The following FGR variants were observed in gnomAD, a reference collection of about 807,000 sequenced individuals.
FGR encodes the protein tyrosine-protein kinase Fgr.
Under a neutral mutation model 63.2 loss-of-function variants are expected in FGR, and 26 were observed. The observed-to-expected ratio is 0.41, with a 90% CI of 0.30 to 0.57. The LOEUF is 0.57. Ranked by LOEUF, FGR falls within the 20% of genes least tolerant of loss-of-function variation. The pLI is 0.27. For synonymous variants in FGR, 286 were observed against 277.7 expected (o/e 1.03, Z -0.30); for missense variants, 511 against 690.8 (o/e 0.74, Z 2.92).
intron 5 of FGR, among the ~76,000 whole-genome samples, chr1:27,618,514 G>C (rs922395946): frequency 1.3e-5 from 2 of 152,064 alleles, no homozygotes; most frequent in African/African-American, 4.8e-5. Flanking sequence ...ACACTGCACT[G>C]AGCACCTCTC....
chr1:27,629,948 A>T (rs542330017), intron 1 of FGR, among the ~76,000 whole-genome samples: 1 of 152,356 alleles, frequency 6.6e-6, no homozygotes, highest in South Asian at 2.1e-4. Flanking sequence ...AGAAGCAATA[A>T]TGCAAGCTTG....
rs2089927680 is a variant in FGR at position 27,621,598 on chromosome 1, C to T, written c.389G>A (p.Ser130Asn). 6.2e-7 allele frequency: 1 copy of T among 1,613,908 alleles called. No homozygotes were observed. The highest frequency in any genetic ancestry group is 2.2e-5 in the East Asian group (1 of 44,882). ...LSSGKTGCIP[S>N]NYVAPVDSIQ... Reference sequence around the variant, plus strand: ...TGAGTCAACAGGGGCCACGTAGTTGCTGGGAATGCAGCCAGTTTTTCCGGA... The same window carrying T: ...TGAGTCAACAGGGGCCACGTAGTTGTTGGGAATGCAGCCAGTTTTTCCGGA... The change falls in exon 5 of 13, where the codon AGC becomes AAC. Residue 130 changes from serine (S) to asparagine (N), a missense_variant. Transcript: ENST00000374005.
chr1:27,633,270 G>A (rs978249146), intron 1 of FGR, among the ~76,000 whole-genome samples: 5 of 152,170 alleles, frequency 3.3e-5, no homozygotes, highest in African/African-American at 4.8e-5. Context: ...TGTTGGCCCT[G>A]CAGGTTGCCA....
At position 27,614,536 on chromosome 1, in the gene FGR, G is replaced by C; in HGVS notation, c.1143C>G (p.Arg381=). 1 of 1,614,066 alleles carries C rather than the reference G, an allele frequency of 6.2e-7. No individual in the cohort carries two copies. The highest frequency in any genetic ancestry group is 8.5e-7 in the Non-Finnish European group (1 of 1,179,972). The change falls in exon 11 of 13, where the codon CGC becomes CGG. Residue 381 remains arginine (R), a synonymous_variant. Coordinates refer to ENST00000374005, the MANE Select transcript of FGR (RefSeq NM_005248.3). ...AYMERMNYIH[R]DLRAANILVG... ...CCAGGATGTTGGCTGCCCTCAGGTC[G>C]CGGTGAATGTAGTTCATGCGTTCCA...
intron 1 of FGR, among the ~76,000 whole-genome samples, chr1:27,628,489 A>G (rs948085944): frequency 1.4e-5 from 2 of 144,038 alleles, no homozygotes; most frequent in African/African-American, 2.6e-5. Flanking sequence ...ATGCCCCCAC[A>G]CTGTCCCCCC....
Position 27,617,603 on chromosome 1 carries a change from T to C in FGR, c.429-307A>G, listed in dbSNP as rs1001400231. Among the ~76,000 whole-genome samples the C allele has an allele frequency of 2.0e-5, 3 of 152,288 alleles. No homozygotes were observed. The South Asian group carries it at 6.2e-4, about 32-fold the overall frequency. On this transcript the variant is annotated intron_variant, in intron 5 of 12. Transcript: ENST00000374005. This position sits in a 1 kb window ranked among gnomAD's most constrained non-coding sequence, Gnocchi z 4.5. ...ATCTCACTGTAGCCCTTCTGTGCAC[T>C]CATTTTACAGATGAGGAAGTTGAGG...
Position 27,615,719 on chromosome 1 carries a change from C to T in FGR, c.808G>A (p.Gly270Ser), listed in dbSNP as rs753312344. ...RSSITLERRL[G>S]TGCFGDVWLG... is the part of the protein sequence containing the mutation. ...CACACATCCCCGAAGCAGCCGGTGC[C>T]CAGCCGGCGCTCCAGCGTGATGGAG... Residue 270 changes from glycine (G) to serine (S), a missense_variant, in exon 8 of 13, where the codon GGC (glycine) becomes AGC (serine). Coordinates refer to ENST00000374005, the MANE Select transcript of FGR (RefSeq NM_005248.3). The surrounding 1 kb of genome is among the most constrained non-coding windows in gnomAD (Gnocchi z 7.6). 1 of 1,607,064 alleles carries T rather than the reference C, an allele frequency of 6.2e-7. No individual in the cohort carries two copies. Among genetic ancestry groups the T allele is most frequent in the Non-Finnish European group, 8.5e-7 (1 of 1,175,434 alleles).
chr1:27,631,191 C>A (rs1378564737), intron 1 of FGR, among the ~76,000 whole-genome samples: 1 of 152,202 alleles, frequency 6.6e-6, no homozygotes, highest in East Asian at 1.9e-4. Flanking sequence ...TGTTCCCTCC[C>A]CCACTGCTGT....
chr1:27,625,456 A>G (rs2090005183), intron 1 of FGR, among the ~76,000 whole-genome samples: 1 of 152,216 alleles, frequency 6.6e-6, no homozygotes, highest in Non-Finnish European at 1.5e-5. Flanking sequence ...ACGCCAATAC[A>G]GGCTCTAACA....
In FGR at chr1:27,628,269, G is replaced by A. The variant is rs910293813; in HGVS notation, c.-76-3118C>T. 2.6e-5 allele frequency among the ~76,000 whole-genome samples: 4 copies of A among 151,734 alleles called. No homozygotes were observed. The East Asian group carries it at 5.8e-4, about 22-fold the overall frequency. ...AGGCTGAGGCAGGAGGACCACTCAA[G>A]ACCAGGAGATAGAGGCTGCAGTGAG... On this transcript the variant is annotated intron_variant, in intron 1 of 12. Transcript: ENST00000374005.
chr1:27,615,025 C>T lies in FGR; in HGVS notation c.1019-99G>A. 1.1e-6 allele frequency: 1 copy of T among 951,942 alleles called. No individual in the cohort carries two copies. The highest frequency in any genetic ancestry group is 1.6e-6 in the Non-Finnish European group (1 of 608,526). The allele number at this position is 951,942 out of a possible 1,614,324, so 59.0% of individuals were successfully genotyped here. On this transcript the variant is annotated intron_variant, in intron 9 of 12. Transcript: ENST00000374005. This position sits in a 1 kb window ranked among gnomAD's most constrained non-coding sequence, Gnocchi z 7.6. ...GCCCCTCAGCCCCTCCCACCTGGAC[C>T]CGCCCCTCACTTAGGACCCCGCGGG...
intron 1 of FGR, among the ~76,000 whole-genome samples, chr1:27,625,426 G>T (rs2090004361): frequency 6.6e-6 from 1 of 152,178 alleles, no homozygotes. Context: ...TTGCATGAGT[G>T]TGCGTGCCAA....
At chr1:27,634,057 C>T (rs1248724295) in intron 1 of FGR, among the ~76,000 whole-genome samples, 1 of 152,200 alleles carries the variant, frequency 6.6e-6, no homozygotes, top group African/African-American at 2.4e-5. Flanking sequence ...CTGAACACAG[C>T]GGCATCGCCT....
intron 11 of FGR, among the ~76,000 whole-genome samples, chr1:27,613,779 T>A (rs1161691884): frequency 6.8e-6 from 1 of 147,938 alleles, no homozygotes; most frequent in Non-Finnish European, 1.5e-5. Flanking sequence ...AGCACAAGGG[T>A]CTCTGGGCAT....
chr1:27,617,169 C>T lies in FGR; in HGVS notation c.532+24G>A. On this transcript the variant is annotated intron_variant, in intron 6 of 12. Coordinates refer to ENST00000374005, the MANE Select transcript of FGR (RefSeq NM_005248.3). This position sits in a 1 kb window ranked among gnomAD's most constrained non-coding sequence, Gnocchi z 4.5. ...CCCAATGGCTGGGCCTCCCAGTCGC[C>T]TTGGGGCGTGGCACCACCCCTACCT... The T allele has an allele frequency of 6.2e-7, 1 of 1,609,068 alleles. No homozygotes were observed. The highest frequency in any genetic ancestry group is 1.3e-5 in the African/African-American group (1 of 74,940).
intron 5 of FGR, among the ~76,000 whole-genome samples, chr1:27,621,224 A>G (rs1453991532): frequency 6.6e-6 from 1 of 152,124 alleles, no homozygotes; most frequent in Non-Finnish European, 1.5e-5. Context: ...GGGTTCATAC[A>G]TCAGCTCCAC....
intron 1 of FGR, among the ~76,000 whole-genome samples, chr1:27,631,686 T>G (rs763224809): frequency 1.1e-4 from 16 of 152,318 alleles, no homozygotes; most frequent in Non-Finnish European, 2.4e-4. Flanking sequence ...TCCTTTCCCT[T>G]GAGGAAGGTC....
chr1:27,616,911 T>C lies in FGR; in HGVS notation c.628A>G (p.Ile210Val). 2 of 1,614,192 alleles carry C rather than the reference T, an allele frequency of 1.2e-6. No homozygotes were observed. Among genetic ancestry groups the C allele is most frequent in the South Asian group, 1.1e-5 (1 of 91,082 alleles). The change falls in exon 7 of 13, where the codon ATC (isoleucine) becomes GTC (valine). Residue 210 changes from isoleucine to valine, a missense_variant. Ile to Val is a conservative substitution (Grantham distance 29). Coordinates refer to ENST00000374005, the MANE Select transcript of FGR (RefSeq NM_005248.3). This position sits in a 1 kb window ranked among gnomAD's most constrained non-coding sequence, Gnocchi z 4.3. ...IRKLDMGGYY[I>V]TTRVQFNSVQ... Reference sequence around the variant, plus strand: ...GAGTTGAACTGAACCCGTGTGGTGATGTAGTAGCCGCCCATGTCCAGTTTG... The same window carrying C: ...GAGTTGAACTGAACCCGTGTGGTGACGTAGTAGCCGCCCATGTCCAGTTTG...
At position 27,616,925 on chromosome 1, in the gene FGR, A is replaced by G. The variant is rs763110954; in HGVS notation, c.614T>C (p.Met205Thr). The G allele has an allele frequency of 6.2e-7, 1 of 1,614,184 alleles. No homozygotes were observed. The highest frequency in any genetic ancestry group is 1.1e-5 in the South Asian group (1 of 91,082). ...CCGTGTGGTGATGTAGTAGCCGCCCATGTCCAGTTTGCGGATCTTGTAATG... is the reference window on the plus strand; with the variant it reads ...CCGTGTGGTGATGTAGTAGCCGCCCGTGTCCAGTTTGCGGATCTTGTAATG... ...VKHYKIRKLD[M>T]GGYYITTRVQ... The change falls in exon 7 of 13, where the codon ATG (methionine) becomes ACG (threonine). Residue 205 changes from methionine (M) to threonine (T), a missense_variant. Physicochemically the swap from Met to Thr is moderately conservative, Grantham distance 81. Transcript: ENST00000374005. This position sits in a 1 kb window ranked among gnomAD's most constrained non-coding sequence, Gnocchi z 4.3.
Sources: allele counts gnomAD v4.1 joint callset (sites outside exome capture counted in the v4.1 genomes callset), GRCh38; gene constraint gnomAD v4.1.1; non-coding constraint Gnocchi (gnomAD v3.1); transcripts MANE v1.5; gene names NCBI Gene and HGNC (gene_info 2026-07-23, HGNC 2026-07-21).